The following RANBP3 variants were observed in gnomAD, a reference collection of about 807,000 sequenced individuals.
The protein encoded by RANBP3 is RAN binding protein 3.
A neutral mutation model predicts 77.3 loss-of-function variants in RANBP3; 14 were observed. The observed-to-expected ratio is 0.18, with a 90% CI of 0.12 to 0.28. The LOEUF (loss-of-function observed/expected upper bound fraction) is 0.28, where lower values mean the gene tolerates loss of function less well. RANBP3 is among the 10% of genes least tolerant of loss of function. The probability of loss-of-function intolerance (pLI) is 1.00; values close to 1 mark genes in which losing one functional copy is unlikely to be tolerated. For synonymous variants in RANBP3, 315 were observed against 312.4 expected, an observed-to-expected ratio of 1.01 and a Z score of -0.09; for missense variants, 586 against 752.3, an observed-to-expected ratio of 0.78 and a Z score of 2.59.
chr19:5,977,104 C>G (rs1474826867), intron 1 of RANBP3, among the ~76,000 whole-genome samples: 1 of 152,208 alleles, frequency 6.6e-6, no homozygotes, highest in East Asian at 1.9e-4. Context: ...TCATTCATTA[C>G]TGCAATTCGG....
At chr19:5,938,324 T>C (rs1008280350) in intron 5 of RANBP3, among the ~76,000 whole-genome samples, 1 of 152,290 alleles carries the variant, frequency 6.6e-6, no homozygotes, top group East Asian at 1.9e-4. Context: ...ACCTTGGAGT[T>C]GGTTCTCCAG....
chr19:5,971,555 G>A (rs2058530606), intron 1 of RANBP3, among the ~76,000 whole-genome samples: 1 of 152,202 alleles, frequency 6.6e-6, no homozygotes, highest in African/African-American at 2.4e-5. Flanking sequence ...ATTTTCAAGT[G>A]AATAAGAGTG....
chr19:5,948,848 A>G (rs2058240386), intron 3 of RANBP3, among the ~76,000 whole-genome samples: 1 of 152,180 alleles, frequency 6.6e-6, no homozygotes, highest in Non-Finnish European at 1.5e-5. Context: ...TCAGTCCAGT[A>G]CAATTCCACC....
intron 2 of RANBP3, 94 bp from the exon 3 acceptor site, chr19:5,951,690 C>T: frequency 9.2e-7 from 1 of 1,089,416 alleles, no homozygotes; most frequent in South Asian, 1.4e-5. Flanking sequence ...GGAGCTGGCT[C>T]AGCTTGCAGC....
chr19:5,969,175 A>G (rs671892), intron 1 of RANBP3, among the ~76,000 whole-genome samples: 108,246 of 152,122 alleles, frequency 0.71, 38,860 homozygotes, highest in Admixed American at 0.79. Flanking sequence ...CCATGCTGAC[A>G]AATCTGGATT....
At chr19:5,964,810 A>G (rs945665845) in intron 1 of RANBP3, among the ~76,000 whole-genome samples, 1 of 104,710 alleles carries the variant, frequency 9.6e-6, no homozygotes, top group African/African-American at 3.8e-5. Context: ...ACTGGAAAAC[A>G]GGGCAGCCTG....
chr19:5,942,593 C>T lies in RANBP3; in HGVS notation c.283-758G>A, dbSNP rs148933587. On this transcript the variant is annotated intron_variant, in intron 3 of 16. Transcript: ENST00000340578. ...TGGTGGTGCACGCCTGTAATCTCAGCTACAGGCTGAGGCACAAGAATCGCT... is the reference window on the plus strand; with the variant it reads ...TGGTGGTGCACGCCTGTAATCTCAGTTACAGGCTGAGGCACAAGAATCGCT... Among the ~76,000 whole-genome samples, 7 of 151,484 alleles carry T rather than the reference C, an allele frequency of 4.6e-5. No homozygotes were observed. The East Asian group carries it at 1.2e-3, about 25-fold the overall frequency.
rs1262120103 is a variant in RANBP3 at position 5,924,344 on chromosome 19, G to A, written c.997-430C>T. 6.6e-6 allele frequency among the ~76,000 whole-genome samples: 1 copy of A among 152,218 alleles called. No homozygotes were observed. The highest frequency in any genetic ancestry group is 2.4e-5 in the African/African-American group (1 of 41,466). ...AAAAAGGAACATGTGTAAAGAGGTAGGCAAACCATTCTAGAACCCTCTCCC... is the reference window on the plus strand; with the variant it reads ...AAAAAGGAACATGTGTAAAGAGGTAAGCAAACCATTCTAGAACCCTCTCCC... On this transcript the variant is annotated intron_variant, in intron 11 of 16. Coordinates refer to ENST00000340578, the MANE Select transcript of RANBP3 (RefSeq NM_007322.3). This position sits in a 1 kb window ranked among gnomAD's most constrained non-coding sequence, Gnocchi z 4.7.
Position 5,941,613 on chromosome 19 carries a change from T to C in RANBP3, c.406+8A>G, listed in dbSNP as rs747365539. The C allele has an allele frequency of 2.3e-5, 37 of 1,607,544 alleles. No individual in the cohort carries two copies. On this transcript the variant is annotated splice_region_variant and intron_variant, in intron 5 of 16. Transcript: ENST00000340578. Reference sequence around the variant, plus strand: ...GCTTTCACCATTCCGTAAGTTTGCATATTTTACCTGACTGTGAGGGTGGGA... The same window carrying C: ...GCTTTCACCATTCCGTAAGTTTGCACATTTTACCTGACTGTGAGGGTGGGA...
chr19:5,932,579 G>A (rs1279804506), intron 6 of RANBP3, 35 bp from the exon 7 acceptor site: 1 of 1,571,898 alleles, frequency 6.4e-7, no homozygotes, highest in East Asian at 2.2e-5. Context: ...AGTGCCCGTG[G>A]ACCCCTGCCT....
At chr19:5,970,008 G>C (rs193205592) in intron 1 of RANBP3, among the ~76,000 whole-genome samples, 1 of 152,328 alleles carries the variant, frequency 6.6e-6, no homozygotes, top group African/African-American at 2.4e-5. Flanking sequence ...TCTCACCCAG[G>C]AGTAACTTCA....
chr19:5,953,130 G>C (rs544748241), intron 2 of RANBP3, among the ~76,000 whole-genome samples: 1 of 152,270 alleles, frequency 6.6e-6, no homozygotes, highest in Admixed American at 6.5e-5. Flanking sequence ...ATCAAAACAG[G>C]ATCAAATTCG....
chr19:5,945,030 A>AC (rs1372615617), intron 3 of RANBP3, among the ~76,000 whole-genome samples: 2 of 151,242 alleles, frequency 1.3e-5, no homozygotes, highest in African/African-American at 4.9e-5. Flanking sequence ...GCGAGAATGA[A>AC]CCCCTTGGTG....
chr19:5,936,529 C>A (rs183056503), intron 5 of RANBP3, among the ~76,000 whole-genome samples: 1 of 152,370 alleles, frequency 6.6e-6, no homozygotes, highest in East Asian at 1.9e-4. Flanking sequence ...TCAGTGAGAT[C>A]GCAGTACCGC....
At position 5,957,904 on chromosome 19, in the gene RANBP3, T is replaced by A; in HGVS notation, c.78+14A>T. 6.2e-7 allele frequency: 1 copy of A among 1,613,892 alleles called. No individual in the cohort carries two copies. Among genetic ancestry groups the A allele is most frequent in the South Asian group, 1.1e-5 (1 of 91,052 alleles). On this transcript the variant is annotated intron_variant, in intron 2 of 16. Coordinates refer to ENST00000340578, the MANE Select transcript of RANBP3 (RefSeq NM_007322.3). Reference sequence around the variant, plus strand: ...AGAGTAACGAAGTGAAGAGAGAACGTACCGGCCCCTTACCTTTTGTCCTTT... The same window carrying A: ...AGAGTAACGAAGTGAAGAGAGAACGAACCGGCCCCTTACCTTTTGTCCTTT...
At position 5,916,907 on chromosome 19, in the gene RANBP3, C is replaced by G. The variant is rs992151589; in HGVS notation, c.*703G>C. The G allele has an allele frequency of 1.3e-5, 2 of 152,434 alleles. No individual in the cohort carries two copies. The highest frequency in any genetic ancestry group is 6.5e-5 in the Admixed American group (1 of 15,280). 9.4% of individuals were successfully genotyped at this position (152,434 alleles called of 1,614,324 possible). Reference sequence around the variant, plus strand: ...TGGGAAACAAGTAGTCCCCCAACCTCAGAGGCCAGAACCACAGGTGGGGGA... The same window carrying G: ...TGGGAAACAAGTAGTCCCCCAACCTGAGAGGCCAGAACCACAGGTGGGGGA... On this transcript the variant is annotated 3_prime_UTR_variant, in exon 17 of 17. Coordinates refer to ENST00000340578, the MANE Select transcript of RANBP3 (RefSeq NM_007322.3).
At chr19:5,975,869 T>C (rs953125508) in intron 1 of RANBP3, among the ~76,000 whole-genome samples, 20 of 151,766 alleles carry the variant, frequency 1.3e-4, no homozygotes, top group African/African-American at 4.6e-4. Flanking sequence ...GCGGGGAGTG[T>C]ATGCAACATT....
rs559199277 is a variant in RANBP3 at position 5,956,818 on chromosome 19, C to T, written c.78+1100G>A. Among the ~76,000 whole-genome samples, 44 of 152,332 alleles carry T rather than the reference C, an allele frequency of 2.9e-4. No homozygotes were observed. In the South Asian group the frequency reaches 3.1e-3, roughly 11 times the overall value. ...TGAGAGCGGCTTCCAGCCTGGGAGC[C>T]GGTCACCTGTGAGGGGACAGAAGCC... is the stretch of plus-strand genomic sequence containing the variant. On this transcript the variant is annotated intron_variant, in intron 2 of 16. Coordinates refer to ENST00000340578, the MANE Select transcript of RANBP3 (RefSeq NM_007322.3).
intron 2 of RANBP3, 41 bp from the exon 3 acceptor site, chr19:5,951,637 G>A: frequency 6.4e-7 from 1 of 1,566,806 alleles, no homozygotes; most frequent in Non-Finnish European, 8.7e-7. Flanking sequence ...TGTGAATAAA[G>A]GCTGCATCAC....
Sources: allele counts gnomAD v4.1 joint callset (sites outside exome capture counted in the v4.1 genomes callset), GRCh38; gene constraint gnomAD v4.1.1; non-coding constraint Gnocchi (gnomAD v3.1); transcripts MANE v1.5; gene names NCBI Gene and HGNC (gene_info 2026-07-23, HGNC 2026-07-21).